Variants in TMBIM4 observed in about 807,000 individuals in gnomAD.
The protein encoded by TMBIM4 is protein lifeguard 4.
In TMBIM4, 28 loss-of-function variants were observed where a neutral mutation model predicts 27.7. The ratio of observed to expected loss-of-function variants is 1.01; its 90% CI spans 0.75 to 1.38. The LOEUF is 1.38. Ranked by LOEUF, TMBIM4 falls within the 40% of genes most tolerant of loss-of-function variation. TMBIM4 has a pLI of 0.00. For synonymous variants in TMBIM4, 115 were observed against 113.1 expected (o/e 1.02, Z -0.11); for missense variants, 265 against 277.5 (o/e 0.95, Z 0.32).
At chr12:66,148,881 G>A (rs1227021392) in intron 3 of TMBIM4, among the ~76,000 whole-genome samples, 1 of 151,954 alleles carries the variant, frequency 6.6e-6, no homozygotes, top group African/African-American at 2.4e-5. Context: ...TCTTTATTTT[G>A]TCTTATATCC....
intron 4 of TMBIM4, among the ~76,000 whole-genome samples, chr12:66,147,140 T>G (rs2051765152): frequency 6.6e-6 from 1 of 152,034 alleles, no homozygotes; most frequent in Non-Finnish European, 1.5e-5. Context: ...TTATTACTAT[T>G]TATTTATATT....
intron 1 of TMBIM4, among the ~76,000 whole-genome samples, chr12:66,166,670 C>T (rs1461017005): frequency 6.6e-6 from 1 of 152,144 alleles, no homozygotes; most frequent in Non-Finnish European, 1.5e-5. Flanking sequence ...GTGGAACCAA[C>T]AAGAACTCTC....
Position 66,145,963 on chromosome 12 carries a change from A to G in TMBIM4, c.347-5T>C. 6.8e-7 allele frequency: 1 copy of G among 1,462,298 alleles called. No individual in the cohort carries two copies. The highest frequency in any genetic ancestry group is 9.5e-7 in the Non-Finnish European group (1 of 1,055,196). 90.6% of individuals were successfully genotyped at this position (1,462,298 alleles called of 1,614,324 possible). On this transcript the variant is annotated splice_region_variant and splice_polypyrimidine_tract_variant and intron_variant, in intron 4 of 6. Transcript: ENST00000358230. ...TATATACATCATAGAAAGTAACTGT[A>G]AAATTAAAACACTGATTAACATGCA...
Position 66,138,044 on chromosome 12 carries a change from T to C in TMBIM4, c.633A>G (p.Val211=). 1 of 1,614,128 alleles carries C rather than the reference T, an allele frequency of 6.2e-7. No homozygotes were observed. Among genetic ancestry groups the C allele is most frequent in the South Asian group, 1.1e-5 (1 of 91,080 alleles). Residue 211 remains valine (V), a synonymous_variant, in exon 7 of 7, where the codon GTA becomes GTG. Coordinates refer to ENST00000358230, the MANE Select transcript of TMBIM4 (RefSeq NM_016056.4). ...LMHKLSPEEY[V]LAAISLYLDI... is the part of the protein sequence containing the mutation. ...CCAAGTAGAGGCTGATGGCAGCTAATACGTACTCTTCAGGTGACAGTTTAT... is the reference window on the plus strand; with the variant it reads ...CCAAGTAGAGGCTGATGGCAGCTAACACGTACTCTTCAGGTGACAGTTTAT...
intron 2 of TMBIM4, among the ~76,000 whole-genome samples, chr12:66,152,779 G>A (rs959107479): frequency 2.6e-5 from 4 of 152,060 alleles, no homozygotes; most frequent in Non-Finnish European, 5.9e-5. Flanking sequence ...AATAGTTCAA[G>A]ACTCCCCTTT....
intron 3 of TMBIM4, among the ~76,000 whole-genome samples, chr12:66,148,180 A>C (rs568502925): frequency 6.6e-6 from 1 of 152,210 alleles, no homozygotes; most frequent in East Asian, 1.9e-4. Flanking sequence ...CTCTAATCGC[A>C]TATTTGTAAC....
chr12:66,142,543 G>T (rs1220545667), intron 5 of TMBIM4, among the ~76,000 whole-genome samples: 1 of 151,750 alleles, frequency 6.6e-6, no homozygotes, highest in East Asian at 1.9e-4. Context: ...GATGCTAAGA[G>T]GGCCACATGA....
intron 1 of TMBIM4, among the ~76,000 whole-genome samples, chr12:66,160,854 G>A (rs1392019084): frequency 2.0e-5 from 3 of 149,626 alleles, no homozygotes; most frequent in African/African-American, 4.9e-5. Flanking sequence ...TGGCAGAGTC[G>A]CTCCTCACAT....
chr12:66,159,214 T>A (rs1370285381), intron 1 of TMBIM4, among the ~76,000 whole-genome samples: 1 of 152,188 alleles, frequency 6.6e-6, no homozygotes, highest in Non-Finnish European at 1.5e-5. Context: ...GATGTAATGA[T>A]GTGTGTGATT....
At position 66,165,563 on chromosome 12, in the gene TMBIM4, G is replaced by A. The variant is rs374529404; in HGVS notation, c.97+4292C>T. Among the ~76,000 whole-genome samples the A allele has an allele frequency of 1.1e-4, 16 of 152,150 alleles. No individual in the cohort carries two copies. In the South Asian group the frequency reaches 2.3e-3, roughly 22 times the overall value. ...CTCCAAAAGTGTTAGGATTACAGGCGTGAACCACTGCACCCAACCTTGTGA... is the reference window on the plus strand; with the variant it reads ...CTCCAAAAGTGTTAGGATTACAGGCATGAACCACTGCACCCAACCTTGTGA... On this transcript the variant is annotated intron_variant, in intron 1 of 6. Transcript: ENST00000358230.
chr12:66,152,195 A>T, intron 3 of TMBIM4, 76 bp downstream of exon 3: 1 of 731,516 alleles, frequency 1.4e-6, no homozygotes, highest in Non-Finnish European at 2.1e-6. Flanking sequence ...TGCCGTTGTT[A>T]TATATGTATT....
chr12:66,138,108 A>G lies in TMBIM4; in HGVS notation c.569T>C (p.Phe190Ser), dbSNP rs1158146320. ...LVLAAAGALL[F>S]CGFIIYDTHS... ...TGTGTCATAGATGATGAATCCACAGAAAAGAAGGGCTCCTGCAGCGGCTAA... is the reference window on the plus strand; with the variant it reads ...TGTGTCATAGATGATGAATCCACAGGAAAGAAGGGCTCCTGCAGCGGCTAA... Residue 190 changes from phenylalanine (F) to serine (S), a missense_variant, in exon 7 of 7, where the codon TTC (phenylalanine) becomes TCC (serine). Phe to Ser is a radical substitution (Grantham distance 155). Transcript: ENST00000358230. The G allele has an allele frequency of 3.7e-6, 6 of 1,614,114 alleles. No individual in the cohort carries two copies. In the African/African-American group the frequency reaches 6.7e-5, roughly 18 times the overall value.
intron 3 of TMBIM4, 93 bp from the exon 4 acceptor site, chr12:66,148,034 A>G (rs1422825869): frequency 8.5e-7 from 1 of 1,172,918 alleles, no homozygotes; most frequent in African/African-American, 1.6e-5. Context: ...ATCCCATATG[A>G]ATGATCTCAT....
intron 1 of TMBIM4, among the ~76,000 whole-genome samples, chr12:66,167,856 C>T (rs1284106507): frequency 6.6e-6 from 1 of 152,178 alleles, no homozygotes; most frequent in African/African-American, 2.4e-5. Flanking sequence ...AGAAGCAACA[C>T]AAATGTCCAT....
At chr12:66,166,138 T>C (rs566982756) in intron 1 of TMBIM4, among the ~76,000 whole-genome samples, 3 of 152,324 alleles carry the variant, frequency 2.0e-5, no homozygotes, top group African/African-American at 7.2e-5. Flanking sequence ...TATTCAATTT[T>C]CCCAACACCA....
intron 1 of TMBIM4, among the ~76,000 whole-genome samples, chr12:66,161,909 T>C (rs1350470079): frequency 2.6e-5 from 4 of 152,186 alleles, no homozygotes; most frequent in African/African-American, 7.2e-5. Context: ...CCACTTGATA[T>C]AGTTGGAAGA....
intron 1 of TMBIM4, among the ~76,000 whole-genome samples, chr12:66,165,167 AT>A (rs2052105049): frequency 2.0e-5 from 3 of 152,138 alleles, no homozygotes; most frequent in African/African-American, 7.2e-5. Context: ...TGCAATCCCT[AT>A]CAAAATCCCA....
intron 1 of TMBIM4, among the ~76,000 whole-genome samples, chr12:66,156,762 G>A (rs1239086523): frequency 2.0e-5 from 3 of 152,006 alleles, no homozygotes; most frequent in East Asian, 1.9e-4. Flanking sequence ...TCACTTTCCC[G>A]CTTCAGGGCC....
intron 3 of TMBIM4, among the ~76,000 whole-genome samples, chr12:66,149,924 A>G (rs996026633): frequency 2.0e-5 from 3 of 152,038 alleles, no homozygotes; most frequent in Admixed American, 6.5e-5. Flanking sequence ...GCAAGATAAG[A>G]TTCACCTCCT....
Sources: gnomAD v4.1 joint callset for allele counts (sites outside exome capture counted in the v4.1 genomes callset) on GRCh38, gnomAD v4.1.1 for gene constraint, MANE v1.5 for transcripts, NCBI Gene and HGNC (gene_info 2026-07-23, HGNC 2026-07-21) for gene names.